The following PRKG1 variants were observed in gnomAD, a reference collection of about 807,000 sequenced individuals.
PRKG1 encodes the protein protein kinase cGMP-dependent 1.
A neutral mutation model predicts 88.1 loss-of-function variants in PRKG1; 35 were observed. The observed-to-expected ratio is 0.40, with a 90% CI of 0.30 to 0.53. The LOEUF (loss-of-function observed/expected upper bound fraction) is 0.53, where lower values mean the gene tolerates loss of function less well. PRKG1 is among the 20% of genes least tolerant of loss of function. PRKG1 has a pLI of 0.59. For synonymous variants in PRKG1, 303 were observed against 292.5 expected, an observed-to-expected ratio of 1.04 and a Z score of -0.37; for missense variants, 540 against 839.8, an observed-to-expected ratio of 0.64 and a Z score of 4.41.
chr10:51,129,859 C>G (rs1269372461), intron 1 of PRKG1, among the ~76,000 whole-genome samples: 1 of 152,080 alleles, frequency 6.6e-6, no homozygotes, highest in Non-Finnish European at 1.5e-5. Flanking sequence ...GGCCCTGGTC[C>G]TATCAAATTT....
intron 2 of PRKG1, among the ~76,000 whole-genome samples, chr10:51,308,562 G>A (rs1022265209): frequency 1.3e-5 from 2 of 151,976 alleles, no homozygotes; most frequent in African/African-American, 4.8e-5. Context: ...CCTGAGCAAG[G>A]TAATAGCAGG....
chr10:51,045,936 C>T (rs1843483455), intron 1 of PRKG1, among the ~76,000 whole-genome samples: 4 of 152,106 alleles, frequency 2.6e-5, no homozygotes, highest in African/African-American at 9.7e-5. Flanking sequence ...GAATGAATAT[C>T]ACTAATGTTG....
chr10:51,257,000 T>A (rs1046608971), intron 2 of PRKG1, among the ~76,000 whole-genome samples: 1 of 151,892 alleles, frequency 6.6e-6, no homozygotes, highest in Non-Finnish European at 1.5e-5. Context: ...AAATTAAAAT[T>A]AAAAAAATTC....
At chr10:52,149,014 AAAAG>A (rs961851183) in intron 8 of PRKG1, among the ~76,000 whole-genome samples, 3 of 142,326 alleles carry the variant, frequency 2.1e-5, no homozygotes, top group Admixed American at 1.4e-4. Flanking sequence ...GTTTAGACTG[AAAAG>A]AAAGAAAAGT....
intron 10 of PRKG1, chr10:52,252,818 A>T (rs533591180): frequency 6.6e-6 from 1 of 151,976 alleles, no homozygotes; most frequent in South Asian, 2.1e-4. Flanking sequence ...TGCCTTTGAC[A>T]ATATGAGTAT....
intron 5 of PRKG1, chr10:51,908,433 T>G (rs545130589): frequency 5.9e-5 from 9 of 152,116 alleles, no homozygotes; most frequent in Non-Finnish European, 1.3e-4. Context: ...AAGGTGTGTC[T>G]AGAGTGCTAT....
At chr10:51,375,425 G>T (rs971804643) in intron 2 of PRKG1, among the ~76,000 whole-genome samples, 20 of 146,290 alleles carry the variant, frequency 1.4e-4, no homozygotes, top group Middle Eastern at 3.5e-3. Context: ...TGGATTTGGG[G>T]TTTTTTTTTT....
At chr10:51,495,206 T>C (rs1412341326) in intron 3 of PRKG1, among the ~76,000 whole-genome samples, 1 of 152,282 alleles carries the variant, frequency 6.6e-6, no homozygotes, top group South Asian at 2.1e-4. Flanking sequence ...GCTATTCTCC[T>C]GCCTCAGCCT....
intron 4 of PRKG1, among the ~76,000 whole-genome samples, chr10:51,860,019 G>C (rs760254663): frequency 5.3e-5 from 8 of 152,154 alleles, no homozygotes; most frequent in East Asian, 1.9e-4. Flanking sequence ...GATGAATTAG[G>C]TACTCGTGTC....
chr10:51,132,570 C>T (rs137880844), intron 1 of PRKG1, among the ~76,000 whole-genome samples: 58 of 151,406 alleles, frequency 3.8e-4, no homozygotes, highest in African/African-American at 1.4e-3. Flanking sequence ...GCTAGAGTAA[C>T]TCTGTGAGAG....
intron 16 of PRKG1, 132 bp downstream of exon 16, chr10:52,289,125 G>C (rs1489230936): frequency 2.6e-6 from 2 of 766,318 alleles, no homozygotes; most frequent in Non-Finnish European, 4.2e-6. Context: ...AACTAGTAAG[G>C]CTTTTAAATG....
intron 3 of PRKG1, among the ~76,000 whole-genome samples, chr10:51,741,144 T>TG (rs1167925217): frequency 1.4e-5 from 2 of 142,092 alleles, no homozygotes; most frequent in East Asian, 4.2e-4. Flanking sequence ...AAACCTTTGG[T>TG]GAAAAAAAAA....
At chr10:51,991,392 T>A (rs570209387) in intron 5 of PRKG1, among the ~76,000 whole-genome samples, 29 of 152,232 alleles carry the variant, frequency 1.9e-4, no homozygotes, top group South Asian at 1.2e-3. Context: ...ATTTTTTTTT[T>A]AAATATACTT....
At chr10:52,106,705 A>AAAT (rs57109678) in intron 7 of PRKG1, among the ~76,000 whole-genome samples, 38,961 of 139,690 alleles carry the variant, frequency 0.28, 5,564 homozygotes, top group East Asian at 0.53. Context: ...CTCTGTCCCA[A>AAAT]AATAATAATA....
intron 3 of PRKG1, among the ~76,000 whole-genome samples, chr10:51,758,414 G>T (rs1837927706): frequency 6.6e-6 from 1 of 152,202 alleles, no homozygotes; most frequent in South Asian, 2.1e-4. Context: ...TTACTAGTCA[G>T]TGGGTTATTG....
chr10:51,102,448 A>C (rs962628448), intron 1 of PRKG1, among the ~76,000 whole-genome samples: 1 of 152,110 alleles, frequency 6.6e-6, no homozygotes, highest in Non-Finnish European at 1.5e-5. Context: ...GAAAAAAAAA[A>C]CAGGCAGAAT....
intron 3 of PRKG1, among the ~76,000 whole-genome samples, chr10:51,718,282 T>C (rs1841932740): frequency 6.6e-6 from 1 of 151,904 alleles, no homozygotes; most frequent in African/African-American, 2.4e-5. Context: ...GAAATAAGAG[T>C]ATTCCTGGCA....
At chr10:52,026,059 C>T (rs984489352) in intron 5 of PRKG1, among the ~76,000 whole-genome samples, 1 of 151,826 alleles carries the variant, frequency 6.6e-6, no homozygotes, top group Non-Finnish European at 1.5e-5. Flanking sequence ...CAAAAACAAG[C>T]AATGGGGACA....
intron 7 of PRKG1, among the ~76,000 whole-genome samples, chr10:52,075,512 C>T (rs183575186): frequency 1.3e-4 from 20 of 152,260 alleles, no homozygotes; most frequent in African/African-American, 4.3e-4. Context: ...TTTAAAGCTG[C>T]AGTAGCCAAG....
Sources: gnomAD v4.1 joint callset for allele counts (sites outside exome capture counted in the v4.1 genomes callset) on GRCh38, gnomAD v4.1.1 for gene constraint, MANE v1.5 for transcripts, NCBI Gene and HGNC (gene_info 2026-07-23, HGNC 2026-07-21) for gene names.